MKLN1: variants seen among roughly 807,000 people sequenced by gnomAD.
MKLN1 encodes muskelin 1.
A neutral mutation model predicts 99.0 loss-of-function variants in MKLN1; 18 were observed. The ratio of observed to expected loss-of-function variants is 0.18; its 90% confidence interval spans 0.13 to 0.27. The LOEUF is 0.27. Among genes scored for constraint, MKLN1 ranks in the 10% least tolerant of loss-of-function variants. MKLN1 has a pLI of 1.00. For synonymous variants in MKLN1, 288 were observed against 293.2 expected (o/e 0.98, Z 0.18); for missense variants, 621 against 875.9 (o/e 0.71, Z 3.67).
intron 2 of MKLN1, among the ~76,000 whole-genome samples, chr7:131,147,755 T>G (rs1221568383): frequency 6.6e-6 from 1 of 152,164 alleles, no homozygotes; most frequent in Non-Finnish European, 1.5e-5. Flanking sequence ...CTAAATTGCC[T>G]TGTCTGGTTC....
At chr7:131,149,548 C>T (rs1795860316) in intron 2 of MKLN1, among the ~76,000 whole-genome samples, 1 of 152,310 alleles carries the variant, frequency 6.6e-6, no homozygotes, top group Middle Eastern at 3.4e-3. Flanking sequence ...AACATATTTT[C>T]CTTTTCATTG....
intron 10 of MKLN1, among the ~76,000 whole-genome samples, chr7:131,442,811 A>G (rs1795880245): frequency 1.3e-5 from 2 of 152,224 alleles, no homozygotes; most frequent in African/African-American, 4.8e-5. Flanking sequence ...CATTTTTATG[A>G]AAAGTTATAA....
intron 2 of MKLN1, among the ~76,000 whole-genome samples, chr7:131,378,672 A>T (rs1793740310): frequency 6.6e-6 from 1 of 152,106 alleles, no homozygotes. Flanking sequence ...TGTACAAAAA[A>T]TACAAAAAGT....
intron 2 of MKLN1, among the ~76,000 whole-genome samples, chr7:131,202,512 G>A (rs995822568): frequency 6.6e-6 from 1 of 152,068 alleles, no homozygotes; most frequent in Non-Finnish European, 1.5e-5. Flanking sequence ...TTATGCGCCA[G>A]GACAACAGGC....
At chr7:131,257,254 G>A (rs997218113) in intron 3 of MKLN1, among the ~76,000 whole-genome samples, 1 of 152,120 alleles carries the variant, frequency 6.6e-6, no homozygotes, top group Non-Finnish European at 1.5e-5. Flanking sequence ...TAAAAGATTT[G>A]AAGTTATATA....
intron 3 of MKLN1, among the ~76,000 whole-genome samples, chr7:131,228,598 A>G (rs1797193188): frequency 6.6e-6 from 1 of 152,208 alleles, no homozygotes. Flanking sequence ...AATGAAGACA[A>G]TAAGATCTCT....
At chr7:131,315,332 C>T (rs1798645405) in intron 3 of MKLN1, among the ~76,000 whole-genome samples, 1 of 152,088 alleles carries the variant, frequency 6.6e-6, no homozygotes, top group Admixed American at 6.5e-5. Flanking sequence ...ACCTCCCTCC[C>T]CTAGCCAAGG....
At position 131,387,244 on chromosome 7, in the gene MKLN1, T is replaced by G; in HGVS notation, c.293T>G (p.Met98Arg). 6.2e-7 allele frequency: 1 copy of G among 1,611,584 alleles called. No individual in the cohort carries two copies. Among genetic ancestry groups the G allele is most frequent in the Non-Finnish European group, 8.5e-7 (1 of 1,179,062 alleles). ...KVFGGMNEEN[M>R]TELLSSGLKN... ...TTTGGTGGAATGAATGAAGAAAATA[T>G]GACAGAGCTGTTGTCCAGGTGAGTT... Residue 98 changes from methionine (M) to arginine (R), a missense_variant, in exon 3 of 18, where the codon ATG (methionine) becomes AGG (arginine). This residue lies in a region of MKLN1 where 361 missense variants were observed against 540.8 expected (regional missense o/e 0.67). Transcript: ENST00000352689.
Position 131,125,171 on chromosome 7 carries a change from A to G in MKLN1, c.-419+14964A>G, listed in dbSNP as rs543307294. On this transcript the variant is annotated intron_variant, in intron 1 of 7. Coordinates refer to the MKLN1 transcript ENST00000416992. The stretch of plus-strand genomic sequence containing the variant: ...AATTATTGGCACAGGGACACGATAT[A>G]GGGGTAATGGAGAACTTCAGCTTAT... 2.0e-5 allele frequency among the ~76,000 whole-genome samples: 3 copies of G among 152,354 alleles called. No individual in the cohort carries two copies. The South Asian group carries it at 6.2e-4, about 32-fold the overall frequency.
chr7:131,270,213 AC>A (rs1797864817), intron 3 of MKLN1, among the ~76,000 whole-genome samples: 1 of 150,066 alleles, frequency 6.7e-6, no homozygotes, highest in Admixed American at 6.7e-5. Context: ...TGAGCCATGC[AC>A]CCGGCCTATT....
intron 2 of MKLN1, among the ~76,000 whole-genome samples, chr7:131,163,882 G>A (rs1213907591): frequency 6.6e-6 from 1 of 152,076 alleles, no homozygotes; most frequent in Non-Finnish European, 1.5e-5. Flanking sequence ...TGTATCACGG[G>A]TATAATTTAC....
At chr7:131,381,676 CTG>C (rs1461169171) in intron 2 of MKLN1, among the ~76,000 whole-genome samples, 1 of 152,190 alleles carries the variant, frequency 6.6e-6, no homozygotes, top group Admixed American at 6.5e-5. Context: ...CAGCTTAACT[CTG>C]TGCATACACT....
At chr7:131,265,301 T>C (rs1254733831) in intron 3 of MKLN1, among the ~76,000 whole-genome samples, 1 of 152,230 alleles carries the variant, frequency 6.6e-6, no homozygotes, top group Non-Finnish European at 1.5e-5. Flanking sequence ...AAAGACCCCA[T>C]GGTAGTTTGC....
intron 6 of MKLN1, among the ~76,000 whole-genome samples, chr7:131,402,959 G>A (rs559337486): frequency 6.6e-6 from 1 of 152,012 alleles, no homozygotes; most frequent in Non-Finnish European, 1.5e-5. Flanking sequence ...ATTGACTTCC[G>A]CTTAAAGTCA....
chr7:131,459,911 G>A (rs183927726), intron 12 of MKLN1, among the ~76,000 whole-genome samples: 16 of 151,896 alleles, frequency 1.1e-4, no homozygotes, highest in Middle Eastern at 3.4e-3. Flanking sequence ...GGCTTCGATG[G>A]GTATATCCTC....
chr7:131,328,234 G>A (rs954489509), intron 1 of MKLN1: 4 of 525,060 alleles, frequency 7.6e-6, no homozygotes, highest in Non-Finnish European at 1.0e-5. Context: ...GCGGATCCGG[G>A]GCGCGCACAG....
intron 2 of MKLN1, among the ~76,000 whole-genome samples, chr7:131,196,981 T>C (rs1290847179): frequency 2.6e-5 from 4 of 152,188 alleles, no homozygotes; most frequent in African/African-American, 9.6e-5. Flanking sequence ...GAGCTCATTG[T>C]GTGCAGCTCC....
chr7:131,198,372 A>AT (rs1352990196), intron 2 of MKLN1, among the ~76,000 whole-genome samples: 1 of 152,078 alleles, frequency 6.6e-6, no homozygotes, highest in East Asian at 1.9e-4. Context: ...ATGGAAAAAA[A>AT]TTTTTTTTTA....
chr7:131,308,348 A>C (rs1798500991), intron 3 of MKLN1, among the ~76,000 whole-genome samples: 1 of 139,420 alleles, frequency 7.2e-6, no homozygotes, highest in African/African-American at 2.7e-5. Flanking sequence ...TGCAACCTCC[A>C]CCTCCCAGGT....
Sources: gnomAD v4.1 joint callset for allele counts (sites outside exome capture counted in the v4.1 genomes callset) on GRCh38, gnomAD v4.1.1 for gene constraint, gnomAD v4.1.1 regional missense constraint, MANE v1.5 for transcripts, NCBI Gene and HGNC (gene_info 2026-07-23, HGNC 2026-07-21) for gene names.